Variants in HTR4 observed in about 807,000 individuals in gnomAD.
The protein encoded by HTR4 is 5-hydroxytryptamine receptor 4, also known as 5-hydroxytryptamine (serotonin) receptor 4, G protein-coupled.
A neutral mutation model predicts 36.8 loss-of-function variants in HTR4; 16 were observed. That is an observed-to-expected ratio of 0.43 (90% CI 0.29 to 0.66). The LOEUF is 0.66. Among genes scored for constraint, HTR4 ranks in the 30% least tolerant of loss-of-function variants. The pLI is 0.13. For synonymous variants in HTR4, 189 were observed against 185.1 expected (o/e 1.02, Z -0.17); for missense variants, 438 against 490.9 (o/e 0.89, Z 1.02).
intron 6 of HTR4, chr5:148,490,829 C>T: frequency 1.6e-6 from 1 of 630,904 alleles, no homozygotes; most frequent in Non-Finnish European, 2.6e-6. Flanking sequence ...AGTCGAATTC[C>T]TGTTTCCTCT....
At chr5:148,465,021 T>TA in intron 5 of HTR4, among the ~76,000 whole-genome samples, 1 of 151,790 alleles carries the variant, frequency 6.6e-6, no homozygotes, top group East Asian at 1.9e-4. Flanking sequence ...CTGGAAAAGG[T>TA]AAAACTATGG....
intron 2 of HTR4, among the ~76,000 whole-genome samples, chr5:148,619,913 A>T (rs781260345): frequency 6.6e-6 from 1 of 152,246 alleles, no homozygotes; most frequent in Non-Finnish European, 1.5e-5. Context: ...TTGATAATAT[A>T]AAAAAGGATA....
chr5:148,514,181 C>T (rs1012995143), intron 5 of HTR4, among the ~76,000 whole-genome samples: 5 of 152,070 alleles, frequency 3.3e-5, no homozygotes, highest in African/African-American at 1.2e-4. Flanking sequence ...GTTTCACTCC[C>T]AGTTTTAGGG....
intron 4 of HTR4, among the ~76,000 whole-genome samples, chr5:148,540,218 T>G (rs1468853332): frequency 6.6e-6 from 1 of 151,288 alleles, no homozygotes; most frequent in African/African-American, 2.4e-5. Context: ...TGCGTCTACT[T>G]AAGAGTGGAG....
At chr5:148,626,488 G>A (rs1315064062) in intron 2 of HTR4, among the ~76,000 whole-genome samples, 3 of 152,138 alleles carry the variant, frequency 2.0e-5, no homozygotes, top group Non-Finnish European at 2.9e-5. Context: ...TATTAGACTC[G>A]ATTCTCACAT....
In HTR4 at chr5:148,500,501, C is replaced by A. The variant is rs114011743; in HGVS notation, c.1076+8955G>T. On this transcript the variant is annotated intron_variant, in intron 6 of 6. Coordinates refer to ENST00000377888, the MANE Select transcript of HTR4 (RefSeq NM_000870.7). ...TTTTAAGAAGGAAGCTAGGCCAACT[C>A]TAAGAGGTCAAGTAAGGATACCTTT... 8.3e-3 allele frequency among the ~76,000 whole-genome samples: 1,255 copies of A among 151,932 alleles called. 14 individuals are homozygous for A. The highest frequency in any genetic ancestry group is 0.029 in the African/African-American group (1,207 of 41,438).
chr5:148,618,430 C>A (rs1004529168), intron 2 of HTR4, among the ~76,000 whole-genome samples: 66 of 152,306 alleles, frequency 4.3e-4, no homozygotes, highest in African/African-American at 1.6e-3. Flanking sequence ...AGCTTCTTTC[C>A]CTCTGGCTTC....
At chr5:148,612,173 C>A (rs929074100) in intron 2 of HTR4, among the ~76,000 whole-genome samples, 22 of 152,096 alleles carry the variant, frequency 1.4e-4, no homozygotes, top group African/African-American at 5.3e-4. Flanking sequence ...CTGCACCAAG[C>A]GGACCTAATA....
chr5:148,506,320 T>C (rs1448009151), intron 6 of HTR4, among the ~76,000 whole-genome samples: 2 of 152,196 alleles, frequency 1.3e-5, no homozygotes, highest in African/African-American at 4.8e-5. Flanking sequence ...TGGCTAGCCA[T>C]AGGTAGAAAG....
chr5:148,455,340 A>G (rs1275083747), intron 5 of HTR4, among the ~76,000 whole-genome samples: 1 of 152,186 alleles, frequency 6.6e-6, no homozygotes, highest in Non-Finnish European at 1.5e-5. Flanking sequence ...CTGAGTTCGC[A>G]TGAAAAAGGT....
intron 2 of HTR4, chr5:148,628,716 C>A (rs1024166101): frequency 6.6e-6 from 1 of 152,110 alleles, no homozygotes; most frequent in Non-Finnish European, 1.5e-5. Context: ...ATATTTATTT[C>A]TTTATTTACA....
intron 2 of HTR4, among the ~76,000 whole-genome samples, chr5:148,577,845 A>G (rs1006017234): frequency 1.3e-5 from 2 of 151,976 alleles, no homozygotes; most frequent in African/African-American, 2.4e-5. Flanking sequence ...GAGGGAGGAG[A>G]GCAGAAAAGA....
At chr5:148,595,155 C>A (rs531961450) in intron 2 of HTR4, among the ~76,000 whole-genome samples, 22 of 151,798 alleles carry the variant, frequency 1.4e-4, no homozygotes, top group Middle Eastern at 6.8e-3. Flanking sequence ...TAGCAAAATC[C>A]TCTTTAGCTA....
At chr5:148,475,714 C>T (rs573641654), downstream of HTR4, among the ~76,000 whole-genome samples, 43 of 152,324 alleles carry the variant, frequency 2.8e-4, no homozygotes, top group Admixed American at 9.1e-4. Context: ...CCATATGACT[C>T]CACATACTGC....
At chr5:148,529,579 A>C (rs559094899) in intron 4 of HTR4, among the ~76,000 whole-genome samples, 1 of 152,322 alleles carries the variant, frequency 6.6e-6, no homozygotes, top group South Asian at 2.1e-4. Context: ...TTCTTTTGTA[A>C]ATTGCCCAGT....
At chr5:148,547,762 T>A (rs1263164881) in intron 4 of HTR4, among the ~76,000 whole-genome samples, 6 of 151,774 alleles carry the variant, frequency 4.0e-5, no homozygotes, top group African/African-American at 1.5e-4. Flanking sequence ...AACTAAATTT[T>A]AAAAAAGTGA....
chr5:148,639,991 C>A (rs948892419), intron 1 of HTR4, among the ~76,000 whole-genome samples: 15 of 152,092 alleles, frequency 9.9e-5, no homozygotes, highest in African/African-American at 3.1e-4. Context: ...CCTCCTCCAA[C>A]CTTTGAGTCC....
intron 2 of HTR4, among the ~76,000 whole-genome samples, chr5:148,586,287 C>T (rs1352861823): frequency 6.6e-6 from 1 of 151,978 alleles, no homozygotes; most frequent in Admixed American, 6.6e-5. Context: ...CTGAGACAAT[C>T]TTTGTCTGAT....
chr5:148,453,960 C>T (rs1331546317), intron 5 of HTR4, among the ~76,000 whole-genome samples: 1 of 152,154 alleles, frequency 6.6e-6, no homozygotes, highest in Non-Finnish European at 1.5e-5. Context: ...ATATAACTCC[C>T]AGTAGCCATT....
Sources: allele counts gnomAD v4.1 joint callset (sites outside exome capture counted in the v4.1 genomes callset), GRCh38; gene constraint gnomAD v4.1.1; transcripts MANE v1.5; gene names NCBI Gene and HGNC (gene_info 2026-07-23, HGNC 2026-07-21).